The following PAX2 variants were observed in gnomAD, a reference collection of about 807,000 sequenced individuals.
PAX2 encodes paired box 2.
Under a neutral mutation model 41.7 loss-of-function variants are expected in PAX2, and 9 were observed. That is an observed-to-expected ratio of 0.22 (90% confidence interval 0.13 to 0.38). The LOEUF (loss-of-function observed/expected upper bound fraction) is 0.38. Among genes scored for constraint, PAX2 ranks in the 10% least tolerant of loss-of-function variants. The pLI is 1.00. For missense variants in PAX2, 418 were observed against 531.6 expected, an observed-to-expected ratio of 0.79 and a Z score of 2.10; for synonymous variants, 221 against 212.7, an observed-to-expected ratio of 1.04 and a Z score of -0.34.
intron 5 of PAX2, among the ~76,000 whole-genome samples, chr10:100,794,011 A>G (rs1188325297): frequency 1.3e-5 from 2 of 152,152 alleles, no homozygotes; most frequent in African/African-American, 4.8e-5. Context: ...CAAGCAGGAA[A>G]TGGGGCTTCA....
intron 3 of PAX2, among the ~76,000 whole-genome samples, chr10:100,755,597 G>A (rs1049289374): frequency 6.6e-6 from 1 of 152,112 alleles, no homozygotes; most frequent in Non-Finnish European, 1.5e-5. Flanking sequence ...ATTTATTACC[G>A]TTCATGGCCT....
exon 1 of PAX2, chr10:100,735,665 A>T (rs1018639864): frequency 4.5e-5 from 48 of 1,059,170 alleles, no homozygotes; most frequent in Admixed American, 1.1e-4. Flanking sequence ...GGAGCGGGAC[A>T]GCCAGACCCA....
In PAX2 at chr10:100,772,197, G is replaced by A. The variant is rs530503236; in HGVS notation, c.411-7301G>A. Among the ~76,000 whole-genome samples, 54 of 152,320 alleles carry A rather than the reference G, an allele frequency of 3.5e-4. No homozygotes were observed. In the South Asian group the frequency reaches 9.7e-3, roughly 27 times the overall value. ...TGCAATGGCACCATCTCAGCTCACT[G>A]CAACCTCCACCGACTCCAGTCGTGG... On this transcript the variant is annotated intron_variant, in intron 3 of 9. Coordinates refer to ENST00000355243, the MANE Select transcript of PAX2 (RefSeq NM_000278.5).
At chr10:100,747,878 C>G in intron 1 of PAX2, 2 of 984,702 alleles carry the variant, frequency 2.0e-6, no homozygotes, top group Non-Finnish European at 2.4e-6. Context: ...AGCTCTCGTT[C>G]TCCTTTTTTG....
upstream of PAX2, among the ~76,000 whole-genome samples, chr10:100,742,133 T>G (rs542071423): frequency 6.6e-6 from 1 of 152,116 alleles, no homozygotes; most frequent in Non-Finnish European, 1.5e-5. Flanking sequence ...CTGCCTTTTC[T>G]CGCCTGGGCA....
At position 100,827,149 on chromosome 10, in the gene PAX2, G is replaced by A. The variant is rs1848601428; in HGVS notation, c.1108+54G>A. 6.9e-7 allele frequency: 1 copy of A among 1,445,510 alleles called. No homozygotes were observed. Among genetic ancestry groups the A allele is most frequent in the African/African-American group, 1.4e-5 (1 of 71,236 alleles). The allele number at this position is 1,445,510 out of a possible 1,614,324, so 89.5% of individuals were successfully genotyped here. ...CTCAGCGCGGCCGCGCGGCTTCTGG[G>A]CACGGTCCCACTCCCGGCGACCCGA... is the stretch of plus-strand genomic sequence containing the variant. On this transcript the variant is annotated intron_variant, in intron 9 of 9. Coordinates refer to ENST00000355243, the MANE Select transcript of PAX2 (RefSeq NM_000278.5). The surrounding 1 kb of genome is among the most constrained non-coding windows in gnomAD (Gnocchi z 8.5).
intron 1 of PAX2, among the ~76,000 whole-genome samples, chr10:100,739,858 A>C (rs747311421): frequency 6.6e-5 from 10 of 152,156 alleles, no homozygotes; most frequent in Non-Finnish European, 1.3e-4. Context: ...CGCCAGCGAC[A>C]CTCAGCCTCC....
chr10:100,802,202 G>A (rs1014731923), intron 5 of PAX2, among the ~76,000 whole-genome samples: 5 of 152,168 alleles, frequency 3.3e-5, no homozygotes, highest in Non-Finnish European at 7.3e-5. Context: ...AGAGAATGGG[G>A]AAGAATACTG....
rs4472867 is a variant in PAX2, at chr10:100,746,313, G to T, written c.43+10G>T. 1.9e-6 allele frequency: 3 copies of T among 1,577,696 alleles called. No homozygotes were observed. Among genetic ancestry groups the T allele is most frequent in the Non-Finnish European group, 2.6e-6 (3 of 1,146,996 alleles). On this transcript the variant is annotated intron_variant, in intron 1 of 9. Coordinates refer to ENST00000355243, the MANE Select transcript of PAX2 (RefSeq NM_000278.5). ...TTCTCCGCGATGCACCGTGAGTACC[G>T]GCGCCCGGCTCCTGTCCCGGCTCGG...
In PAX2 at chr10:100,748,428, C is replaced by T. The variant is rs768039697; in HGVS notation, c.44-1318C>T. ...TTCACCGAGCTTGCTCTAGGTACCC[C>T]CCGAGAAAGGGAGGGGAGAGAAATG... On this transcript the variant is annotated intron_variant, in intron 1 of 9. Coordinates refer to ENST00000355243, the MANE Select transcript of PAX2 (RefSeq NM_000278.5). This position sits in a 1 kb window ranked among gnomAD's most constrained non-coding sequence, Gnocchi z 5.0. 81 of 985,044 alleles carry T rather than the reference C, an allele frequency of 8.2e-5. No homozygotes were observed. Among genetic ancestry groups the T allele is most frequent in the East Asian group, 1.1e-4 (1 of 8,782 alleles). The allele number at this position is 985,044 out of a possible 1,614,324, so 61.0% of individuals were successfully genotyped here.
chr10:100,738,174 T>G (rs892763886), intron 1 of PAX2, among the ~76,000 whole-genome samples: 2 of 152,212 alleles, frequency 1.3e-5, no homozygotes, highest in Non-Finnish European at 2.9e-5. Flanking sequence ...CTTTCTACCT[T>G]GGGAGACTTC....
At chr10:100,747,995 C>A (rs1309033734) in intron 1 of PAX2, 73 of 983,990 alleles carry the variant, frequency 7.4e-5, no homozygotes, top group Non-Finnish European at 8.8e-5. Flanking sequence ...AGAGCCGCAG[C>A]GCGGGCCCGC....
At chr10:100,805,564 G>C in intron 5 of PAX2, among the ~76,000 whole-genome samples, 1 of 152,312 alleles carries the variant, frequency 6.6e-6, no homozygotes, top group Middle Eastern at 3.4e-3. Flanking sequence ...GGCTGAGAAC[G>C]CCTGAGGAAA....
chr10:100,800,273 C>CT (rs59487758), intron 5 of PAX2, among the ~76,000 whole-genome samples: 116 of 108,360 alleles, frequency 1.1e-3, no homozygotes, highest in Non-Finnish European at 1.6e-3. Context: ...TCTTTTCTTT[C>CT]TTTTTTTTTT....
chr10:100,762,864 A>G (rs1845886346), intron 3 of PAX2, among the ~76,000 whole-genome samples: 1 of 152,224 alleles, frequency 6.6e-6, no homozygotes, highest in Non-Finnish European at 1.5e-5. Context: ...GTCAGTATGC[A>G]GAGGGTGGAT....
rs74152649 is a variant in PAX2, at chr10:100,756,876, C to A, written c.410+5985C>A. Among the ~76,000 whole-genome samples, 974 of 152,274 alleles carry A rather than the reference C, an allele frequency of 6.4e-3. 7 individuals carry two copies. The highest frequency in any genetic ancestry group is 0.022 in the African/African-American group (923 of 41,534). Reference sequence around the variant, plus strand: ...GCTTCAGGTGCAGCTATCCCCAGTGCAGCTCCCCAGCCATGCAGTTGAGTC... The same window carrying A: ...GCTTCAGGTGCAGCTATCCCCAGTGAAGCTCCCCAGCCATGCAGTTGAGTC... On this transcript the variant is annotated intron_variant, in intron 3 of 9. Transcript: ENST00000355243.
chr10:100,802,228 C>T (rs1412182869), intron 5 of PAX2, among the ~76,000 whole-genome samples: 3 of 152,198 alleles, frequency 2.0e-5, no homozygotes, highest in Non-Finnish European at 2.9e-5. Context: ...CAGAATTCCT[C>T]CTGAAAGCCC....
Position 100,748,887 on chromosome 10 carries a change from C to A in PAX2, c.44-859C>A. 1 of 985,448 alleles carries A rather than the reference C, an allele frequency of 1.0e-6. No homozygotes were observed. Among genetic ancestry groups the A allele is most frequent in the Non-Finnish European group, 1.2e-6 (1 of 829,934 alleles). 61.0% of individuals were successfully genotyped at this position (985,448 alleles called of 1,614,324 possible). A position where few individuals can be genotyped will look rare whatever the true frequency, so the allele number is the denominator to read the frequency against. Reference sequence around the variant, plus strand: ...TATTAACTCGCCAGCGAGGCCTATGCCGTGCCACCTGGGCGAGACGGTGGG... The same window carrying A: ...TATTAACTCGCCAGCGAGGCCTATGACGTGCCACCTGGGCGAGACGGTGGG... On this transcript the variant is annotated intron_variant, in intron 1 of 9. Coordinates refer to ENST00000355243, the MANE Select transcript of PAX2 (RefSeq NM_000278.5). This position sits in a 1 kb window ranked among gnomAD's most constrained non-coding sequence, Gnocchi z 5.0.
rs192123355 is a variant in PAX2 at position 100,735,533 on chromosome 10, C to A, written c.-176C>A. ...CCGGGAGTGAGAGAGCGGGCGCGGG[C>A]GGAGCACACAGCCGTGGCGGCGGGC... is the stretch of plus-strand genomic sequence containing the variant. On this transcript the variant is annotated 5_prime_UTR_variant, in exon 1 of 10. Transcript: ENST00000679374. 2.4e-3 allele frequency: 835 copies of A among 348,668 alleles called. 7 individuals carry two copies. The highest frequency in any genetic ancestry group is 0.016 in the African/African-American group (781 of 47,374). The allele number at this position is 348,668 out of a possible 1,614,324, so 21.6% of individuals were successfully genotyped here.
Sources: allele counts gnomAD v4.1 joint callset (sites outside exome capture counted in the v4.1 genomes callset), GRCh38; gene constraint gnomAD v4.1.1; non-coding constraint Gnocchi (gnomAD v3.1); transcripts MANE v1.5; gene names NCBI Gene and HGNC (gene_info 2026-07-23, HGNC 2026-07-21).